The following ST7 variants were observed in gnomAD, a reference collection of about 807,000 sequenced individuals.
The protein encoded by ST7 is suppression of tumorigenicity 7.
A neutral mutation model predicts 78.7 loss-of-function variants in ST7; 28 were observed. That is an observed-to-expected ratio of 0.36 (90% confidence interval 0.26 to 0.49). The LOEUF (loss-of-function observed/expected upper bound fraction) is 0.49, where lower values mean the gene tolerates loss of function less well. ST7 is among the 20% of genes least tolerant of loss of function. The pLI is 0.99. For synonymous variants in ST7, 247 were observed against 249.6 expected (o/e 0.99, Z 0.10); for missense variants, 418 against 696.0 (o/e 0.60, Z 4.49).
intron 10 of ST7, among the ~76,000 whole-genome samples, chr7:117,183,223 C>G (rs949328596): frequency 6.6e-6 from 1 of 151,708 alleles, no homozygotes; most frequent in Non-Finnish European, 1.5e-5. Context: ...GACATGAGTT[C>G]GAGACTACCT....
chr7:117,009,308 A>G (rs1287225763), intron 1 of ST7, among the ~76,000 whole-genome samples: 1 of 119,490 alleles, frequency 8.4e-6, no homozygotes, highest in Non-Finnish European at 1.7e-5. Flanking sequence ...TAGTCCATTC[A>G]TGACTATTTT....
intron 10 of ST7, chr7:117,173,590 G>A (rs1476258527): frequency 1.3e-5 from 2 of 152,194 alleles, no homozygotes; most frequent in South Asian, 2.1e-4. Flanking sequence ...AGGTCTTAGA[G>A]TACAGACAGC....
chr7:117,065,369 C>T (rs952703294), intron 1 of ST7, among the ~76,000 whole-genome samples: 2 of 152,018 alleles, frequency 1.3e-5, no homozygotes, highest in African/African-American at 4.8e-5. Flanking sequence ...CCACCATGCC[C>T]GGCTAATTTT....
At position 117,130,445 on chromosome 7, in the gene ST7, C is replaced by T. The variant is rs369336459; in HGVS notation, c.450-46C>T. The T allele has an allele frequency of 2.1e-6, 3 of 1,421,218 alleles. No individual in the cohort carries two copies. The East Asian group carries it at 7.0e-5, about 33-fold the overall frequency. The allele number at this position is 1,421,218 out of a possible 1,614,324, so 88.0% of individuals were successfully genotyped here. On this transcript the variant is annotated intron_variant, in intron 4 of 15. Transcript: ENST00000323984. ...GCAGCTTAATATTTTATAGGTCTTG[C>T]TTTTCTCTCTCAAAAGTGTCTAATC...
chr7:117,021,411 T>C (rs979970504), intron 1 of ST7, among the ~76,000 whole-genome samples: 5 of 152,240 alleles, frequency 3.3e-5, no homozygotes, highest in Admixed American at 2.0e-4. Flanking sequence ...CATTGTCTAT[T>C]AGCAAAAATG....
intron 9 of ST7, among the ~76,000 whole-genome samples, chr7:117,147,731 TCTC>T (rs1267264276): frequency 6.6e-6 from 1 of 152,138 alleles, no homozygotes; most frequent in Admixed American, 6.5e-5. Context: ...TATTGTTTCT[TCTC>T]CTCCTCATCC....
At chr7:116,961,555 C>CAT (rs1491533189) in intron 1 of ST7, among the ~76,000 whole-genome samples, 3 of 138,432 alleles carry the variant, frequency 2.2e-5, no homozygotes, top group Admixed American at 2.2e-4. Flanking sequence ...TGTATTCCTA[C>CAT]GTGTGTGTGT....
At chr7:117,207,192 T>A (rs1332161513) in intron 12 of ST7, among the ~76,000 whole-genome samples, 1 of 151,702 alleles carries the variant, frequency 6.6e-6, no homozygotes, top group Non-Finnish European at 1.5e-5. Flanking sequence ...TTGCCCAGGC[T>A]GGAGTGCAGT....
intron 9 of ST7, among the ~76,000 whole-genome samples, chr7:117,160,614 A>G (rs1221453585): frequency 1.3e-5 from 2 of 151,862 alleles, no homozygotes; most frequent in African/African-American, 4.8e-5. Context: ...GTGCATATGT[A>G]TATATTACAT....
intron 1 of ST7, among the ~76,000 whole-genome samples, chr7:116,964,579 A>G (rs866166948): frequency 2.0e-5 from 3 of 152,218 alleles, no homozygotes; most frequent in Middle Eastern, 3.2e-3. Context: ...TTGTATTTAA[A>G]GCAAAATAAA....
At chr7:117,202,592 AC>A (rs1810981159) in intron 12 of ST7, among the ~76,000 whole-genome samples, 1 of 151,992 alleles carries the variant, frequency 6.6e-6, no homozygotes, top group Admixed American at 6.6e-5. Context: ...CTCCTCCTCC[AC>A]CCCGCAATTT....
intron 9 of ST7, among the ~76,000 whole-genome samples, chr7:117,162,494 C>T (rs1209701039): frequency 6.7e-6 from 1 of 148,454 alleles, no homozygotes; most frequent in East Asian, 2.1e-4. Flanking sequence ...TAGTGAATAT[C>T]CGCACACGGG....
chr7:117,225,255 G>T (rs1035035675), intron 15 of ST7, among the ~76,000 whole-genome samples: 1 of 152,258 alleles, frequency 6.6e-6, no homozygotes, highest in African/African-American at 2.4e-5. Flanking sequence ...CAAAGCTTTG[G>T]TTTTGAGTAT....
chr7:117,182,585 T>G (rs1045900404), intron 10 of ST7: 1 of 152,156 alleles, frequency 6.6e-6, no homozygotes, highest in Non-Finnish European at 1.5e-5. Context: ...TTAGCTGAAG[T>G]CTATTTGAAT....
At chr7:117,023,264 CA>C (rs1239713626) in intron 1 of ST7, among the ~76,000 whole-genome samples, 1 of 151,828 alleles carries the variant, frequency 6.6e-6, no homozygotes, top group Non-Finnish European at 1.5e-5. Flanking sequence ...AAAAAACAGA[CA>C]AAAAAAGCCT....
At chr7:117,097,408 T>G (rs1801134845) in intron 1 of ST7, among the ~76,000 whole-genome samples, 1 of 151,042 alleles carries the variant, frequency 6.6e-6, no homozygotes, top group South Asian at 2.1e-4. Context: ...TCACGGCAAC[T>G]TCCGCCTCCC....
At position 117,190,999 on chromosome 7, in the gene ST7, A is replaced by G; in HGVS notation, c.1254+63A>G. The stretch of plus-strand genomic sequence containing the variant: ...AGCAGAGAAAGCATTCATTGACCAC[A>G]GTGTTGTATCTCAAGTACACCGCTT... On this transcript the variant is annotated intron_variant, in intron 12 of 15. Coordinates refer to ENST00000323984, the MANE Select transcript of ST7 (RefSeq NM_001369598.1). This position sits in a 1 kb window ranked among gnomAD's most constrained non-coding sequence, Gnocchi z 5.2. 3 of 1,317,342 alleles carry G rather than the reference A, an allele frequency of 2.3e-6. No homozygotes were observed. The highest frequency in any genetic ancestry group is 3.3e-6 in the Non-Finnish European group (3 of 911,616). 81.6% of individuals were successfully genotyped at this position (1,317,342 alleles called of 1,614,324 possible). A position where few individuals can be genotyped will look rare whatever the true frequency, so the allele number is the denominator to read the frequency against.
intron 2 of ST7, 77 bp from the exon 3 acceptor site, chr7:117,119,484 A>G (rs1803188131): frequency 1.5e-6 from 2 of 1,348,056 alleles, no homozygotes; most frequent in South Asian, 3.2e-5. Context: ...TAGTAAATGT[A>G]ACATGTTTTA....
rs1793264707 is a variant in ST7 at position 116,968,634 on chromosome 7, T to TC, written c.151+14946dup. 1.9e-5 allele frequency: 4 copies of TC among 206,864 alleles called. No homozygotes were observed. The Admixed American group carries it at 2.0e-4, about 10-fold the overall frequency. 12.8% of individuals were successfully genotyped at this position (206,864 alleles called of 1,614,324 possible). ...GAATGGAATGATGACCAAGACATGG[T>TC]CCCTGTCTTCAGTATCTTGAGATAT... On this transcript the variant is annotated intron_variant, in intron 1 of 15. Transcript: ENST00000323984.
Sources: gnomAD v4.1 joint callset for allele counts (sites outside exome capture counted in the v4.1 genomes callset) on GRCh38, gnomAD v4.1.1 for gene constraint, Gnocchi (gnomAD v3.1) non-coding constraint, MANE v1.5 for transcripts, NCBI Gene and HGNC (gene_info 2026-07-23, HGNC 2026-07-21) for gene names.